Variants in GALNTL6 observed in about 807,000 individuals in gnomAD.
GALNTL6 encodes polypeptide N-acetylgalactosaminyltransferase like 6.
Under a neutral mutation model 73.7 loss-of-function variants are expected in GALNTL6, and 46 were observed. The ratio of observed to expected loss-of-function variants is 0.62; its 90% CI spans 0.49 to 0.80. GALNTL6 has a LOEUF of 0.80. Among genes scored for constraint, GALNTL6 ranks in the 30% least tolerant of loss-of-function variants. GALNTL6 has a pLI of 0.00. For missense variants in GALNTL6, 604 were observed against 755.0 expected (o/e 0.80, Z 2.34); for synonymous variants, 259 against 263.7 (o/e 0.98, Z 0.17).
intron 2 of GALNTL6, among the ~76,000 whole-genome samples, chr4:172,101,885 C>A (rs898978450): frequency 6.6e-6 from 1 of 151,396 alleles, no homozygotes; most frequent in Non-Finnish European, 1.5e-5. Context: ...AAATAAGACA[C>A]AAAAAATCAA....
rs192791749 is a variant in GALNTL6, at chr4:172,825,955, G to A, written c.923+12232G>A. The stretch of plus-strand genomic sequence containing the variant: ...CCAAGAATTTACATTTTAACTTTTT[G>A]TAGTAATAGAAACCATCTCATAGAT... On this transcript the variant is annotated intron_variant, in intron 7 of 12. Transcript: ENST00000506823. Among the ~76,000 whole-genome samples, 135 of 152,226 alleles carry A rather than the reference G, an allele frequency of 8.9e-4. 2 individuals are homozygous for A. The highest frequency in any genetic ancestry group is 3.1e-3 in the African/African-American group (130 of 41,530).
chr4:172,205,055 A>C (rs894576474), intron 2 of GALNTL6, among the ~76,000 whole-genome samples: 2 of 152,180 alleles, frequency 1.3e-5, no homozygotes, highest in Admixed American at 6.5e-5. Context: ...TCTTAATCCA[A>C]ATGTGCATAT....
chr4:172,293,833 CT>C (rs946914203), intron 3 of GALNTL6, among the ~76,000 whole-genome samples: 13 of 150,158 alleles, frequency 8.7e-5, no homozygotes, highest in African/African-American at 2.4e-4. Flanking sequence ...TTTCCTTAAA[CT>C]TTTTTTTTAA....
intron 5 of GALNTL6, among the ~76,000 whole-genome samples, chr4:172,614,402 C>A (rs370001385): frequency 3.9e-5 from 6 of 152,120 alleles, no homozygotes; most frequent in Admixed American, 3.9e-4. Flanking sequence ...ATTCACCAGT[C>A]AATTCTAACA....
intron 2 of GALNTL6, among the ~76,000 whole-genome samples, chr4:172,033,618 A>G (rs1318620768): frequency 1.3e-5 from 2 of 152,108 alleles, no homozygotes; most frequent in Admixed American, 6.6e-5. Context: ...AATTATTTTT[A>G]TATTTTAAAA....
intron 3 of GALNTL6, among the ~76,000 whole-genome samples, chr4:172,295,560 AACTAGCTAGTTCTGGTTT>A (rs1739644274): frequency 1.3e-5 from 1 of 75,848 alleles, no homozygotes; most frequent in African/African-American, 5.4e-5. Flanking sequence ...TTTTTTTGGT[AACTAGCTAGTTCTGGTTT>A]ACTCTATAAC....
chr4:172,152,648 G>A (rs1313369106), intron 2 of GALNTL6, among the ~76,000 whole-genome samples: 3 of 152,102 alleles, frequency 2.0e-5, no homozygotes, highest in East Asian at 1.9e-4. Context: ...GAGCTCTGAC[G>A]CTGAGGCTGG....
At chr4:172,296,566 T>C (rs1009573921) in intron 3 of GALNTL6, among the ~76,000 whole-genome samples, 7 of 152,174 alleles carry the variant, frequency 4.6e-5, no homozygotes, top group Admixed American at 2.0e-4. Flanking sequence ...CCTGTGTCCA[T>C]GTGTTCTCAT....
intron 2 of GALNTL6, among the ~76,000 whole-genome samples, chr4:172,100,520 A>G (rs559903391): frequency 7.0e-4 from 106 of 152,318 alleles, no homozygotes; most frequent in African/African-American, 2.5e-3. Flanking sequence ...AAAATTAAAA[A>G]TATAATCATT....
At chr4:172,938,436 C>G (rs1028971217) in intron 9 of GALNTL6, among the ~76,000 whole-genome samples, 2 of 152,172 alleles carry the variant, frequency 1.3e-5, no homozygotes. Context: ...GTCAGGCAAA[C>G]GCAACTCGCC....
chr4:172,959,133 G>A (rs1342033308), intron 10 of GALNTL6, among the ~76,000 whole-genome samples: 3 of 152,136 alleles, frequency 2.0e-5, no homozygotes, highest in Non-Finnish European at 4.4e-5. Flanking sequence ...AGTGGGGTAA[G>A]GGTGATTAGG....
At position 173,040,020 on chromosome 4, in the gene GALNTL6, C is replaced by T; in HGVS notation, c.1726C>T (p.Leu576Phe). 2.5e-6 allele frequency: 4 copies of T among 1,613,480 alleles called. No individual in the cohort carries two copies. Among genetic ancestry groups the T allele is most frequent in the Non-Finnish European group, 2.5e-6 (3 of 1,179,360 alleles). ...GATTTTCATGGCCAGATGTGACCCT[C>T]TCTCTGAGACTCAGCAGTGGATTTT... Reference protein sequence around the residue: ...KKIFMARCDPLSETQQWIFEH... With the variant: ...KKIFMARCDPFSETQQWIFEH... The change falls in exon 13 of 13, where the codon CTC (leucine) becomes TTC (phenylalanine). Residue 576 changes from leucine to phenylalanine, a missense_variant. Physicochemically the swap from Leu to Phe is conservative, Grantham distance 22. This residue lies in a region of GALNTL6 where 261 missense variants were observed against 296.5 expected (regional missense o/e 0.88). Coordinates refer to ENST00000506823, the MANE Select transcript of GALNTL6 (RefSeq NM_001034845.3).
intron 3 of GALNTL6, among the ~76,000 whole-genome samples, chr4:172,267,419 A>G (rs992530389): frequency 1.3e-5 from 2 of 152,144 alleles, no homozygotes; most frequent in Non-Finnish European, 2.9e-5. Context: ...TTATTGAACA[A>G]CAAGTGTTAC....
intron 5 of GALNTL6, among the ~76,000 whole-genome samples, chr4:172,542,569 G>T (rs1298078336): frequency 6.6e-6 from 1 of 152,114 alleles, no homozygotes; most frequent in Non-Finnish European, 1.5e-5. Flanking sequence ...GACATTCCTG[G>T]TGGGGGAGGG....
At chr4:172,026,697 C>T (rs1579070783) in intron 2 of GALNTL6, among the ~76,000 whole-genome samples, 1 of 152,108 alleles carries the variant, frequency 6.6e-6, no homozygotes, top group East Asian at 1.9e-4. Context: ...ATACACATAA[C>T]TGATCTATTG....
chr4:172,482,147 C>T (rs994895440), intron 5 of GALNTL6, among the ~76,000 whole-genome samples: 19 of 152,176 alleles, frequency 1.2e-4, no homozygotes, highest in East Asian at 3.9e-4. Context: ...GGGCCGGTGG[C>T]GCCGGCCAGC....
At chr4:172,152,243 G>T (rs1447898934) in intron 2 of GALNTL6, among the ~76,000 whole-genome samples, 2 of 152,146 alleles carry the variant, frequency 1.3e-5, no homozygotes, top group African/African-American at 2.4e-5. Context: ...CTCCCAAAGT[G>T]CTGGGATTAG....
chr4:172,535,292 T>C (rs1735308599), intron 5 of GALNTL6, among the ~76,000 whole-genome samples: 2 of 152,168 alleles, frequency 1.3e-5, no homozygotes, highest in Non-Finnish European at 1.5e-5. Context: ...ATCTTTGCAT[T>C]GGTAATAGAA....
At chr4:172,783,874 T>C (rs771556563) in intron 5 of GALNTL6, among the ~76,000 whole-genome samples, 1 of 152,136 alleles carries the variant, frequency 6.6e-6, no homozygotes, top group Non-Finnish European at 1.5e-5. Context: ...TTCTTTTAAA[T>C]CTTTTGACAT....
Sources: allele counts gnomAD v4.1 joint callset (sites outside exome capture counted in the v4.1 genomes callset), GRCh38; gene constraint gnomAD v4.1.1; regional missense constraint gnomAD v4.1.1; transcripts MANE v1.5; gene names NCBI Gene and HGNC (gene_info 2026-07-23, HGNC 2026-07-21).